RELN: variants seen among roughly 807,000 people sequenced by gnomAD.
RELN encodes reelin.
In RELN, 108 loss-of-function variants were observed where a neutral mutation model predicts 427.6. The ratio of observed to expected loss-of-function variants is 0.25; its 90% CI spans 0.22 to 0.30. The LOEUF is 0.30. Ranked by LOEUF, RELN falls within the 10% of genes least tolerant of loss-of-function variation. The pLI is 1.00. For missense variants in RELN, 3,715 were observed against 4,302.8 expected (o/e 0.86, Z 3.82); for synonymous variants, 1,524 against 1,513.4 (o/e 1.01, Z -0.16).
intron 6 of RELN, among the ~76,000 whole-genome samples, chr7:103,728,996 T>C (rs781293952): frequency 6.6e-6 from 1 of 152,170 alleles, no homozygotes; most frequent in Non-Finnish European, 1.5e-5. Context: ...ATAAATTTAT[T>C]CATATCTCTA....
intron 20 of RELN, among the ~76,000 whole-genome samples, chr7:103,612,863 T>C (rs1831993126): frequency 6.6e-6 from 1 of 152,200 alleles, no homozygotes; most frequent in Non-Finnish European, 1.5e-5. Context: ...TTGTAATTTA[T>C]CATAGAAGAT....
At chr7:103,698,162 T>A (rs1223353263) in intron 9 of RELN, 69 bp from the exon 10 acceptor site, 1 of 1,592,662 alleles carries the variant, frequency 6.3e-7, no homozygotes, top group Non-Finnish European at 8.6e-7. Context: ...GAATTTTGTT[T>A]CTTAAGGTTG....
At chr7:103,524,470 G>T (rs1829781082) in intron 46 of RELN, among the ~76,000 whole-genome samples, 2 of 152,164 alleles carry the variant, frequency 1.3e-5, no homozygotes, top group South Asian at 4.1e-4. Flanking sequence ...CGGAGTTCTG[G>T]AGAGTGTCTT....
At chr7:103,941,234 C>A (rs1796108087) in intron 1 of RELN, among the ~76,000 whole-genome samples, 1 of 152,192 alleles carries the variant, frequency 6.6e-6, no homozygotes, top group Non-Finnish European at 1.5e-5. Context: ...AAGATGTATT[C>A]AAGTTTCTAC....
intron 9 of RELN, 37 bp downstream of exon 9, chr7:103,700,873 G>T: frequency 7.8e-7 from 1 of 1,289,302 alleles, no homozygotes; most frequent in Non-Finnish European, 1.1e-6. Context: ...CTCCATCTAT[G>T]TCAGAATTTA....
At position 103,500,836 on chromosome 7, in the gene RELN, T is replaced by C. The variant is rs1829002565; in HGVS notation, c.8576A>G (p.Asn2859Ser). The change falls in exon 53 of 65, where the codon AAC becomes AGC. Residue 2859 changes from asparagine to serine, a missense_variant. Transcript: ENST00000428762. The stretch of plus-strand genomic sequence containing the variant: ...TAAGCAATCTCCATGGCCCCTGCAG[T>C]TGTCCAAGCATCCAGGGCCCAGGTA... ...NFYLGPGCLDNCRGHGDCLRE... is the reference protein window; with the variant it reads ...NFYLGPGCLDSCRGHGDCLRE... 6.2e-7 allele frequency: 1 copy of C among 1,614,094 alleles called. No homozygotes were observed. Among genetic ancestry groups the C allele is most frequent in the East Asian group, 2.2e-5 (1 of 44,886 alleles).
intron 19 of RELN, among the ~76,000 whole-genome samples, chr7:103,632,794 A>T (rs1368828813): frequency 6.6e-6 from 1 of 150,616 alleles, no homozygotes; most frequent in Non-Finnish European, 1.5e-5. Flanking sequence ...ACCAAATATA[A>T]GATCAAATTG....
chr7:103,501,128 A>G (rs373714654), intron 52 of RELN, among the ~76,000 whole-genome samples: 2 of 152,236 alleles, frequency 1.3e-5, no homozygotes, highest in East Asian at 1.9e-4. Flanking sequence ...ATTTCAGAAT[A>G]TCTGAGCACA....
At chr7:103,535,236 A>G in intron 46 of RELN, 80 bp downstream of exon 46, 1 of 1,370,450 alleles carries the variant, frequency 7.3e-7, no homozygotes, top group South Asian at 1.2e-5. Flanking sequence ...ATATCTCATT[A>G]AACTTGACAT....
Position 103,640,600 on chromosome 7 carries a change from C to G in RELN, c.2012G>C (p.Gly671Ala), listed in dbSNP as rs747407849. ...AGAACAGAATTTGAGACATGACGGGCCAATATAAACTGTGGGAGGGAAAAA... is the reference window on the plus strand; with the variant it reads ...AGAACAGAATTTGAGACATGACGGGGCAATATAAACTGTGGGAGGGAAAAA... Reference protein sequence around the residue: ...NMWAIDNVYIGPSCLKFCSGR... With the variant: ...NMWAIDNVYIAPSCLKFCSGR... Residue 671 changes from glycine (G) to alanine (A), a missense_variant, in exon 17 of 65, where the codon GGC becomes GCC. Physicochemically the swap from Gly to Ala is moderately conservative, Grantham distance 60 (BLOSUM62 0). This residue lies in a region of RELN where 2,208 missense variants were observed against 2,361.7 expected (regional missense o/e 0.93). Coordinates refer to ENST00000428762, the MANE Select transcript of RELN (RefSeq NM_005045.4). The surrounding 1 kb of genome is among the most constrained non-coding windows in gnomAD (Gnocchi z 4.1). The G allele has an allele frequency of 6.2e-7, 1 of 1,613,612 alleles. No homozygotes were observed. Among genetic ancestry groups the G allele is most frequent in the Admixed American group, 1.7e-5 (1 of 59,972 alleles).
At chr7:103,745,349 C>T (rs112562303) in intron 6 of RELN, among the ~76,000 whole-genome samples, 2,967 of 152,052 alleles carry the variant, frequency 0.02, 94 homozygotes, top group African/African-American at 0.068. Context: ...TCTTTGAAAA[C>T]GGGCACAAGA....
At chr7:103,638,866 C>A (rs1424158029) in intron 17 of RELN, among the ~76,000 whole-genome samples, 1 of 152,138 alleles carries the variant, frequency 6.6e-6, no homozygotes, top group Non-Finnish European at 1.5e-5. Context: ...TTAATGAAAC[C>A]ACTTAATTCT....
At chr7:103,571,319 C>T (rs1481924684) in intron 31 of RELN, among the ~76,000 whole-genome samples, 7 of 152,198 alleles carry the variant, frequency 4.6e-5, no homozygotes, top group Non-Finnish European at 7.4e-5. Flanking sequence ...AGTCAGTTCA[C>T]ATTCAAGGTC....
chr7:103,508,127 C>T (rs1289961964), intron 51 of RELN, among the ~76,000 whole-genome samples: 5 of 152,164 alleles, frequency 3.3e-5, no homozygotes, highest in Non-Finnish European at 7.3e-5. Context: ...TGGTACCATT[C>T]CTTCTAAAAC....
At chr7:103,598,830 T>C (rs536575801) in intron 24 of RELN, among the ~76,000 whole-genome samples, 117 of 152,344 alleles carry the variant, frequency 7.7e-4, no homozygotes, top group Non-Finnish European at 1.4e-3. Flanking sequence ...TGGCAAAGTT[T>C]TTGCCAGAAT....
chr7:103,654,481 C>G (rs543180869), intron 12 of RELN, among the ~76,000 whole-genome samples: 2 of 152,098 alleles, frequency 1.3e-5, no homozygotes, highest in African/African-American at 4.8e-5. Context: ...AGCAACTACA[C>G]GTCCATGTTC....
intron 7 of RELN, among the ~76,000 whole-genome samples, chr7:103,724,344 T>C (rs1282810603): frequency 1.3e-5 from 2 of 152,116 alleles, no homozygotes; most frequent in Non-Finnish European, 2.9e-5. Context: ...TGAAGAGCTG[T>C]AGGAAATGAG....
intron 2 of RELN, among the ~76,000 whole-genome samples, chr7:103,849,983 T>G (rs1260256333): frequency 6.6e-6 from 1 of 152,166 alleles, no homozygotes; most frequent in Admixed American, 6.5e-5. Context: ...TGCAACTCCT[T>G]CCTGTACCCA....
At chr7:103,935,509 T>C (rs141936921) in intron 1 of RELN, among the ~76,000 whole-genome samples, 1 of 152,242 alleles carries the variant, frequency 6.6e-6, no homozygotes, top group East Asian at 1.9e-4. Flanking sequence ...CCAGTATTAT[T>C]TAAGACTCTG....
Sources: gnomAD v4.1 joint callset for allele counts (sites outside exome capture counted in the v4.1 genomes callset) on GRCh38, gnomAD v4.1.1 for gene constraint, gnomAD v4.1.1 regional missense constraint, Gnocchi (gnomAD v3.1) non-coding constraint, MANE v1.5 for transcripts, NCBI Gene and HGNC (gene_info 2026-07-23, HGNC 2026-07-21) for gene names.